Variants in PPP6R3 observed in about 807,000 individuals in gnomAD.
The protein encoded by PPP6R3 is serine/threonine-protein phosphatase 6 regulatory subunit 3.
PPP6R3 carries 38 observed loss-of-function variants against 110.7 expected under a neutral mutation model. The ratio of observed to expected loss-of-function variants is 0.34; its 90% CI spans 0.26 to 0.45. PPP6R3 has a LOEUF of 0.45. Ranked by LOEUF, PPP6R3 falls within the 20% of genes least tolerant of loss-of-function variation. The pLI, the probability that PPP6R3 is intolerant of heterozygous loss-of-function variation, is 1.00. For missense variants in PPP6R3, 870 were observed against 1,062.4 expected, an observed-to-expected ratio of 0.82 and a Z score of 2.52; for synonymous variants, 369 against 373.5, an observed-to-expected ratio of 0.99 and a Z score of 0.14.
chr11:68,489,297 G>A (rs949821918), intron 1 of PPP6R3, among the ~76,000 whole-genome samples: 1 of 151,894 alleles, frequency 6.6e-6, no homozygotes. Context: ...TTTTGTTTGT[G>A]CTTTTGTCAC....
chr11:68,475,229 G>C (rs535194849), intron 1 of PPP6R3, among the ~76,000 whole-genome samples: 4 of 152,220 alleles, frequency 2.6e-5, no homozygotes, highest in East Asian at 3.9e-4. Flanking sequence ...CACAGGGTTG[G>C]GGGTAAGGTC....
At chr11:68,578,357 G>A (rs1485437024) in intron 14 of PPP6R3, among the ~76,000 whole-genome samples, 1 of 152,196 alleles carries the variant, frequency 6.6e-6, no homozygotes, top group Admixed American at 6.5e-5. Flanking sequence ...TTGAAATGTG[G>A]TAGTTACACT....
intron 3 of PPP6R3, among the ~76,000 whole-genome samples, chr11:68,543,349 G>A (rs1047975285): frequency 4.6e-5 from 7 of 151,366 alleles, no homozygotes; most frequent in Admixed American, 3.3e-4. Flanking sequence ...CCCATGCTAC[G>A]TAAATTGAGG....
At chr11:68,585,958 C>T (rs1321874732) in intron 15 of PPP6R3, among the ~76,000 whole-genome samples, 1 of 152,078 alleles carries the variant, frequency 6.6e-6, no homozygotes, top group Non-Finnish European at 1.5e-5. Flanking sequence ...ATTAGGATCA[C>T]TAGAGGTATA....
intron 1 of PPP6R3, among the ~76,000 whole-genome samples, chr11:68,514,252 G>T (rs2099124857): frequency 6.6e-6 from 1 of 151,306 alleles, no homozygotes; most frequent in Admixed American, 6.6e-5. Context: ...TTTTTTTTTT[G>T]TAGGGGTGGG....
At chr11:68,482,319 C>T (rs547209476) in intron 1 of PPP6R3, among the ~76,000 whole-genome samples, 1 of 149,308 alleles carries the variant, frequency 6.7e-6, no homozygotes, top group South Asian at 2.1e-4. Context: ...GAGGCTGAGG[C>T]AGGAAAACCG....
At chr11:68,545,690 A>T (rs938126420) in intron 4 of PPP6R3, among the ~76,000 whole-genome samples, 1 of 152,226 alleles carries the variant, frequency 6.6e-6, no homozygotes, top group Non-Finnish European at 1.5e-5. Context: ...AGACCTGCTG[A>T]ATCAGAAACT....
At chr11:68,465,179 T>TTTTTTG (rs1383790166) in intron 1 of PPP6R3, among the ~76,000 whole-genome samples, 58 of 152,106 alleles carry the variant, frequency 3.8e-4, no homozygotes, top group Non-Finnish European at 6.6e-4. Flanking sequence ...ACCATGCCTG[T>TTTTTTG]TTTTTGTTTT....
At chr11:68,492,009 C>T (rs2098987273) in intron 1 of PPP6R3, among the ~76,000 whole-genome samples, 1 of 152,196 alleles carries the variant, frequency 6.6e-6, no homozygotes, top group South Asian at 2.1e-4. Context: ...CAGACCCTGG[C>T]AACTGCCGTT....
chr11:68,490,079 G>A (rs1298030175), intron 1 of PPP6R3, among the ~76,000 whole-genome samples: 1 of 152,046 alleles, frequency 6.6e-6, no homozygotes, highest in East Asian at 1.9e-4. Context: ...CCTCTAATCT[G>A]TGTTTCCTAC....
chr11:68,541,579 C>T (rs976452660), intron 3 of PPP6R3, among the ~76,000 whole-genome samples: 3 of 152,084 alleles, frequency 2.0e-5, no homozygotes, highest in Non-Finnish European at 4.4e-5. Context: ...GGCCCTGTCA[C>T]ATTTGAAATG....
chr11:68,573,154 AAT>A (rs2099516942), intron 12 of PPP6R3, among the ~76,000 whole-genome samples: 4 of 74,330 alleles, frequency 5.4e-5, no homozygotes, highest in Admixed American at 1.5e-4. Flanking sequence ...ATATATATAT[AAT>A]TTTTTTTTTT....
chr11:68,542,392 T>TTTTTTTTTTG lies in PPP6R3; in HGVS notation c.228-2437_228-2436insGTTTTTTTTT, dbSNP rs1555132360. On this transcript the variant is annotated intron_variant, in intron 3 of 23. Coordinates refer to ENST00000393800, the MANE Select transcript of PPP6R3 (RefSeq NM_001164161.2). ...TTTGGGTGCTTGAGAAGCTGCTGTTTTTTTTTTTTTTTTTTTTTTAAGACA... is the reference window on the plus strand; with the variant it reads ...TTTGGGTGCTTGAGAAGCTGCTGTTTTTTTTTTTTGTTTTTTTTTTTTTTTTTTTAAGACA... Among the ~76,000 whole-genome samples, 520 of 99,132 alleles carry TTTTTTTTTTG rather than the reference T, an allele frequency of 5.2e-3. 35 individuals carry two copies. The highest frequency in any genetic ancestry group is 9.5e-3 in the Middle Eastern group (2 of 210). The allele number at this position is 99,132 out of a possible 152,430, so 65.0% of individuals were successfully genotyped here. A position where few individuals can be genotyped will look rare whatever the true frequency, so the allele number is the denominator to read the frequency against.
intron 8 of PPP6R3, among the ~76,000 whole-genome samples, chr11:68,562,449 G>T (rs1176413569): frequency 6.6e-6 from 1 of 152,124 alleles, no homozygotes; most frequent in Non-Finnish European, 1.5e-5. Flanking sequence ...TCTAAAACTT[G>T]CACAAGAATC....
intron 12 of PPP6R3, among the ~76,000 whole-genome samples, chr11:68,572,680 G>C (rs1291933073): frequency 6.6e-6 from 1 of 151,932 alleles, no homozygotes; most frequent in Non-Finnish European, 1.5e-5. Flanking sequence ...GGAGATCCTG[G>C]CTCTACAAAA....
chr11:68,478,384 C>T (rs1015363819), intron 1 of PPP6R3, among the ~76,000 whole-genome samples: 1 of 152,152 alleles, frequency 6.6e-6, no homozygotes, highest in African/African-American at 2.4e-5. Flanking sequence ...CACAATTTGT[C>T]ATTCTGTAAA....
chr11:68,601,591 G>A (rs567367878), intron 20 of PPP6R3, among the ~76,000 whole-genome samples: 1 of 152,154 alleles, frequency 6.6e-6, no homozygotes, highest in Non-Finnish European at 1.5e-5. Flanking sequence ...TGAGAAGTTG[G>A]GACATGATGA....
At chr11:68,481,889 G>A (rs1350018350) in intron 1 of PPP6R3, among the ~76,000 whole-genome samples, 1 of 152,114 alleles carries the variant, frequency 6.6e-6, no homozygotes, top group Non-Finnish European at 1.5e-5. Context: ...CTAGATGAGT[G>A]TGAGGTAGTC....
At chr11:68,527,992 G>A (rs1236673495) in intron 2 of PPP6R3, among the ~76,000 whole-genome samples, 1 of 152,150 alleles carries the variant, frequency 6.6e-6, no homozygotes, top group Non-Finnish European at 1.5e-5. Context: ...ATATAATGAG[G>A]CATTTTTGGC....
Sources: gnomAD v4.1 joint callset for allele counts (sites outside exome capture counted in the v4.1 genomes callset) on GRCh38, gnomAD v4.1.1 for gene constraint, MANE v1.5 for transcripts, NCBI Gene and HGNC (gene_info 2026-07-23, HGNC 2026-07-21) for gene names.